The following MLLT3 variants were observed in gnomAD, a reference collection of about 807,000 sequenced individuals.
MLLT3 encodes the protein protein AF-9.
MLLT3 carries 4 observed loss-of-function variants against 53.2 expected under a neutral mutation model. The ratio of observed to expected loss-of-function variants is 0.08; its 90% CI spans 0.04 to 0.17. MLLT3 has a LOEUF of 0.17. Ranked by LOEUF, MLLT3 falls within the 10% of genes least tolerant of loss-of-function variation. MLLT3 has a pLI of 1.00. For synonymous variants in MLLT3, 283 were observed against 230.6 expected, an observed-to-expected ratio of 1.23 and a Z score of -2.06; for missense variants, 569 against 684.0, an observed-to-expected ratio of 0.83 and a Z score of 1.87.
chr9:20,574,660 G>A (rs1318181113), intron 2 of MLLT3, among the ~76,000 whole-genome samples: 1 of 152,144 alleles, frequency 6.6e-6, no homozygotes. Flanking sequence ...CCCTCATTTT[G>A]CTAGTGGAGG....
chr9:20,551,619 C>T (rs1818927994), intron 2 of MLLT3, among the ~76,000 whole-genome samples: 1 of 152,064 alleles, frequency 6.6e-6, no homozygotes, highest in African/African-American at 2.4e-5. Flanking sequence ...TGCTGAAATT[C>T]CAGAATCAGA....
rs191506506 is a variant in MLLT3 at position 20,506,855 on chromosome 9, G to T, written c.194-50069C>A. On this transcript the variant is annotated intron_variant, in intron 2 of 10. Transcript: ENST00000380338. ...AGTGTATCTGGAAGCTGTTAGAACT[G>T]CATGTAATCAAAATCTACCAGTAGA... Among the ~76,000 whole-genome samples, 302 of 152,270 alleles carry T rather than the reference G, an allele frequency of 2.0e-3. 3 individuals are homozygous for T. The highest frequency in any genetic ancestry group is 2.1e-3 in the Admixed American group (32 of 15,302).
At chr9:20,371,873 T>TA (rs1409756244) in intron 5 of MLLT3, among the ~76,000 whole-genome samples, 1 of 152,120 alleles carries the variant, frequency 6.6e-6, no homozygotes, top group East Asian at 1.9e-4. Flanking sequence ...GCAAAGTAAA[T>TA]AAAAAACCTT....
intron 2 of MLLT3, among the ~76,000 whole-genome samples, chr9:20,581,702 G>A (rs959249342): frequency 1.3e-5 from 2 of 152,090 alleles, no homozygotes; most frequent in African/African-American, 4.8e-5. Context: ...TCTCATATAA[G>A]ATGCAGGAAC....
intron 5 of MLLT3, among the ~76,000 whole-genome samples, chr9:20,392,518 A>G (rs186687835): frequency 6.6e-6 from 1 of 152,276 alleles, no homozygotes; most frequent in Non-Finnish European, 1.5e-5. Context: ...CTTTTCCTTT[A>G]CTAATCAAAA....
chr9:20,551,877 T>C (rs1818933994), intron 2 of MLLT3, among the ~76,000 whole-genome samples: 1 of 152,244 alleles, frequency 6.6e-6, no homozygotes, highest in South Asian at 2.1e-4. Flanking sequence ...TAGACTTTTG[T>C]AACCTCACGA....
At chr9:20,354,067 T>G (rs1821103213) in intron 9 of MLLT3, among the ~76,000 whole-genome samples, 1 of 152,204 alleles carries the variant, frequency 6.6e-6, no homozygotes, top group Non-Finnish European at 1.5e-5. Flanking sequence ...TTTGTGGGGT[T>G]TTTCCTGTTT....
At chr9:20,422,102 C>T (rs1823024051) in intron 4 of MLLT3, among the ~76,000 whole-genome samples, 1 of 151,932 alleles carries the variant, frequency 6.6e-6, no homozygotes, top group Non-Finnish European at 1.5e-5. Context: ...GGGCAGAAGA[C>T]TAAAAGAACA....
rs567094555 is a variant in MLLT3, at chr9:20,421,392, T to C, written c.421-6967A>G. 5.9e-5 allele frequency among the ~76,000 whole-genome samples: 9 copies of C among 152,188 alleles called. No individual in the cohort carries two copies. The East Asian group carries it at 1.4e-3, about 23-fold the overall frequency. ...CTCCAGGGAAAATTCATAGCCTTTA[T>C]TGCGTTTGTTTTTTAAACAAAAAAG... On this transcript the variant is annotated intron_variant, in intron 4 of 10. Coordinates refer to ENST00000380338, the MANE Select transcript of MLLT3 (RefSeq NM_004529.4).
At chr9:20,609,487 T>A (rs1426925680) in intron 2 of MLLT3, among the ~76,000 whole-genome samples, 1 of 152,084 alleles carries the variant, frequency 6.6e-6, no homozygotes, top group African/African-American at 2.4e-5. Context: ...ACAAGTAATA[T>A]CTGGTAAGTG....
chr9:20,593,097 T>A (rs148369468), intron 2 of MLLT3, among the ~76,000 whole-genome samples: 66 of 152,310 alleles, frequency 4.3e-4, no homozygotes, highest in African/African-American at 1.6e-3. Context: ...AAATTTACTA[T>A]AGCAGAAATT....
intron 5 of MLLT3, among the ~76,000 whole-genome samples, chr9:20,372,326 C>T (rs954040173): frequency 2.6e-5 from 4 of 152,172 alleles, no homozygotes; most frequent in Admixed American, 6.5e-5. Context: ...TATCAAACAA[C>T]CTCACATGCT....
chr9:20,603,268 G>A (rs536856297), intron 2 of MLLT3, among the ~76,000 whole-genome samples: 1 of 152,066 alleles, frequency 6.6e-6, no homozygotes, highest in Admixed American at 6.6e-5. Context: ...TAAGTATATA[G>A]GTTAGCCTTC....
At chr9:20,384,873 C>T (rs1419988444) in intron 5 of MLLT3, among the ~76,000 whole-genome samples, 1 of 152,048 alleles carries the variant, frequency 6.6e-6, no homozygotes, top group African/African-American at 2.4e-5. Flanking sequence ...ACTAAGTGTA[C>T]AGAAAATATA....
At chr9:20,393,096 A>C (rs926360892) in intron 5 of MLLT3, among the ~76,000 whole-genome samples, 1 of 152,162 alleles carries the variant, frequency 6.6e-6, no homozygotes, top group Non-Finnish European at 1.5e-5. Context: ...CTGAGATTGC[A>C]GTGAGCTGAG....
chr9:20,584,669 T>C (rs4486284), intron 2 of MLLT3, among the ~76,000 whole-genome samples: 2,658 of 152,248 alleles, frequency 0.017, 75 homozygotes, highest in East Asian at 0.14. Flanking sequence ...ACTTATTCAC[T>C]ATCACAAGAA....
chr9:20,487,379 C>T (rs548494968), intron 2 of MLLT3, among the ~76,000 whole-genome samples: 6 of 152,084 alleles, frequency 3.9e-5, no homozygotes, highest in Non-Finnish European at 8.8e-5. Flanking sequence ...TCTATTTATG[C>T]CCAACATATG....
At chr9:20,494,910 G>A (rs1325306851) in intron 2 of MLLT3, among the ~76,000 whole-genome samples, 1 of 152,124 alleles carries the variant, frequency 6.6e-6, no homozygotes, top group African/African-American at 2.4e-5. Flanking sequence ...GCCCATAGTT[G>A]TACTATACAT....
intron 5 of MLLT3, among the ~76,000 whole-genome samples, chr9:20,394,130 G>T (rs891390275): frequency 6.6e-6 from 1 of 152,124 alleles, no homozygotes; most frequent in Non-Finnish European, 1.5e-5. Flanking sequence ...AACACAGCAA[G>T]GAGCTGGCTG....
Sources: allele counts gnomAD v4.1 joint callset (sites outside exome capture counted in the v4.1 genomes callset), GRCh38; gene constraint gnomAD v4.1.1; transcripts MANE v1.5; gene names NCBI Gene and HGNC (gene_info 2026-07-23, HGNC 2026-07-21).